The following TRIM14 variants were observed in gnomAD, a reference collection of about 807,000 sequenced individuals.
TRIM14 encodes the protein tripartite motif-containing protein 14.
Under a neutral mutation model 44.5 loss-of-function variants are expected in TRIM14, and 28 were observed. The observed-to-expected ratio is 0.63, with a 90% confidence interval of 0.47 to 0.86. The LOEUF (loss-of-function observed/expected upper bound fraction) is 0.86. Among genes scored for constraint, TRIM14 ranks in the 40% least tolerant of loss-of-function variants. The pLI is 0.00. For synonymous variants in TRIM14, 299 were observed against 269.2 expected (o/e 1.11, Z -1.08); for missense variants, 607 against 611.1 (o/e 0.99, Z 0.07).
intron 5 of TRIM14, among the ~76,000 whole-genome samples, chr9:98,090,422 A>C (rs1825951659): frequency 6.6e-6 from 1 of 152,218 alleles, no homozygotes; most frequent in African/African-American, 2.4e-5. Flanking sequence ...CCCTTTGGGG[A>C]TAGTAAACAA....
the TRIM14 span, among the ~76,000 whole-genome samples, chr9:98,057,156 G>A: frequency 2.6e-5 from 4 of 152,188 alleles, no homozygotes; most frequent in African/African-American, 9.7e-5. Context: ...CTCCTAACCC[G>A]ACCTGTTTCC....
At chr9:98,107,949 T>C (rs1461896737) in intron 2 of TRIM14, among the ~76,000 whole-genome samples, 1 of 152,142 alleles carries the variant, frequency 6.6e-6, no homozygotes. Context: ...ATTACAGGCA[T>C]GAGCCACCTC....
At chr9:98,057,791 C>G in the TRIM14 span, among the ~76,000 whole-genome samples, 1 of 151,682 alleles carries the variant, frequency 6.6e-6, no homozygotes, top group Non-Finnish European at 1.5e-5. Flanking sequence ...CAATGCTACT[C>G]AACTGATTTT....
At chr9:98,063,164 C>A in the TRIM14 span, among the ~76,000 whole-genome samples, 1 of 151,724 alleles carries the variant, frequency 6.6e-6, no homozygotes, top group South Asian at 2.1e-4. Flanking sequence ...CTGACCTCAG[C>A]CCATCCGCCC....
chr9:98,041,721 C>T, the TRIM14 span, among the ~76,000 whole-genome samples: 5 of 148,512 alleles, frequency 3.4e-5, no homozygotes, highest in Non-Finnish European at 5.9e-5. Flanking sequence ...CTTGTTCTGT[C>T]GCCCAGGCTG....
chr9:98,105,832 A>T (rs1826590987), intron 2 of TRIM14, among the ~76,000 whole-genome samples: 1 of 152,148 alleles, frequency 6.6e-6, no homozygotes, highest in African/African-American at 2.4e-5. Context: ...ATCCACAAAG[A>T]GCTGCTCCAT....
chr9:98,088,354 T>C (rs4742713), intron 5 of TRIM14, among the ~76,000 whole-genome samples: 4 of 130,240 alleles, frequency 3.1e-5, no homozygotes, highest in African/African-American at 1.3e-4. Context: ...GCTTTTCTTT[T>C]TCTTTTTTTT....
the TRIM14 span, among the ~76,000 whole-genome samples, chr9:98,049,987 A>G: frequency 0.046 from 6,962 of 152,310 alleles, 238 homozygotes; most frequent in South Asian, 0.084. Flanking sequence ...ACTCCAGTGC[A>G]GCTTTGTGGT....
the TRIM14 span, among the ~76,000 whole-genome samples, chr9:98,059,518 GA>G: frequency 6.6e-6 from 1 of 152,016 alleles, no homozygotes. Flanking sequence ...GGGATCAAGC[GA>G]TCCTCCCCCC....
At chr9:98,081,187 G>GA (rs1829844788), downstream of TRIM14, 1 of 1,473,792 alleles carries the variant, frequency 6.8e-7, no homozygotes, top group African/African-American at 1.4e-5. Context: ...CCAGGCTGAT[G>GA]AAATGATCAG....
chr9:98,053,047 T>C, the TRIM14 span, among the ~76,000 whole-genome samples: 2 of 152,094 alleles, frequency 1.3e-5, no homozygotes, highest in African/African-American at 4.8e-5. Flanking sequence ...AATCGGTCCA[T>C]GGGGAAAAAG....
the TRIM14 span, among the ~76,000 whole-genome samples, chr9:98,043,501 A>C: frequency 6.6e-6 from 1 of 152,198 alleles, no homozygotes; most frequent in African/African-American, 2.4e-5. Flanking sequence ...TCTTAGGTGA[A>C]AAATCAGATA....
intron 6 of TRIM14, among the ~76,000 whole-genome samples, chr9:98,070,002 G>A (rs1829265739): frequency 1.3e-5 from 2 of 152,160 alleles, no homozygotes; most frequent in South Asian, 4.1e-4. Flanking sequence ...ATTACCATTG[G>A]GGGAAACTGG....
downstream of TRIM14, among the ~76,000 whole-genome samples, chr9:98,068,161 G>A (rs563682624): frequency 6.6e-6 from 1 of 152,044 alleles, no homozygotes; most frequent in African/African-American, 2.4e-5. Context: ...TTGAGATAGG[G>A]TTACACTCTG....
intron 6 of TRIM14, chr9:98,077,088 G>T: frequency 1.8e-6 from 2 of 1,135,172 alleles, no homozygotes; most frequent in Non-Finnish European, 1.3e-6. Flanking sequence ...CCTCATGGTG[G>T]CCCACTTTCA....
the TRIM14 span, among the ~76,000 whole-genome samples, chr9:98,052,621 C>A: frequency 2.6e-3 from 402 of 152,300 alleles, no homozygotes; most frequent in African/African-American, 9.3e-3. Flanking sequence ...GATTCTCCTG[C>A]CTCAGCTTCC....
At chr9:98,047,317 A>T in the TRIM14 span, among the ~76,000 whole-genome samples, 1 of 152,086 alleles carries the variant, frequency 6.6e-6, no homozygotes, top group East Asian at 1.9e-4. Context: ...AGACCATCAA[A>T]CCTCTTTTTC....
chr9:98,097,662 A>C (rs111991588), intron 3 of TRIM14, among the ~76,000 whole-genome samples: 1 of 152,254 alleles, frequency 6.6e-6, no homozygotes, highest in Non-Finnish European at 1.5e-5. Context: ...GACCTGGCTC[A>C]GTACATATTG....
Position 98,087,014 on chromosome 9 carries a change from G to T in TRIM14, c.*456C>A, listed in dbSNP as rs763739434. 7.1e-6 allele frequency: 2 copies of T among 281,276 alleles called. No homozygotes were observed. The highest frequency in any genetic ancestry group is 1.4e-5 in the Non-Finnish European group (2 of 141,878). 17.4% of individuals were successfully genotyped at this position (281,276 alleles called of 1,614,324 possible). ...ACACGCTGAAATCGGTGGGGAGGAA[G>T]CGGAAGATTCAAGGGACCTCAAGAG... On this transcript the variant is annotated 3_prime_UTR_variant, in exon 6 of 6. Coordinates refer to ENST00000341469, the MANE Select transcript of TRIM14 (RefSeq NM_014788.4).
Sources: allele counts gnomAD v4.1 joint callset (sites outside exome capture counted in the v4.1 genomes callset), GRCh38; gene constraint gnomAD v4.1.1; transcripts MANE v1.5; gene names NCBI Gene and HGNC (gene_info 2026-07-23, HGNC 2026-07-21).